C1orf115: variants seen among roughly 807,000 people sequenced by gnomAD.
C1orf115 encodes the protein required for drug-induced death protein 1.
Under a neutral mutation model 12.5 loss-of-function variants are expected in C1orf115, and 14 were observed. The observed-to-expected ratio is 1.12, with a 90% CI of 0.74 to 1.75. The LOEUF (loss-of-function observed/expected upper bound fraction) is 1.75, where lower values mean the gene tolerates loss of function less well. Ranked by LOEUF, C1orf115 falls within the 40% of genes most tolerant of loss-of-function variation. The pLI, the probability that C1orf115 is intolerant of heterozygous loss-of-function variation, is 0.00. For synonymous variants in C1orf115, 109 were observed against 104.6 expected (o/e 1.04, Z -0.26); for missense variants, 237 against 220.8 (o/e 1.07, Z -0.46).
intron 1 of C1orf115, among the ~76,000 whole-genome samples, chr1:220,695,042 G>A (rs1234970605): frequency 6.6e-6 from 1 of 152,190 alleles, no homozygotes; most frequent in African/African-American, 2.4e-5. Flanking sequence ...TGAGAGGTCA[G>A]GGAGAGAAAG....
In C1orf115 at chr1:220,696,686, C is replaced by T. The variant is rs545083976; in HGVS notation, c.384C>T (p.Ser128=). Residue 128 remains serine, a synonymous_variant, in exon 2 of 2, where the codon TCC becomes TCT. Transcript: ENST00000294889. ...IGLQGFAAAY[S]APFAVATSVV... ...TGCAAGGCTTCGCTGCAGCCTACTC[C>T]GCCCCGTTTGCGGTAGCCACCAGCG... 81 of 1,601,724 alleles carry T rather than the reference C, an allele frequency of 5.1e-5. No homozygotes were observed. Among genetic ancestry groups the T allele is most frequent in the African/African-American group, 8.0e-5 (6 of 74,876 alleles).
intron 1 of C1orf115, among the ~76,000 whole-genome samples, chr1:220,693,915 TAA>T (rs1444511309): frequency 6.6e-6 from 1 of 151,834 alleles, no homozygotes; most frequent in African/African-American, 2.4e-5. Context: ...CTGTCTCTAC[TAA>T]AAATACAAAA....
At chr1:220,690,859 GGAAGCCGCGA>G (rs1670092411) in intron 1 of C1orf115, 148 bp downstream of exon 1, 1 of 1,024,232 alleles carries the variant, frequency 9.8e-7, no homozygotes, top group African/African-American at 1.7e-5. Flanking sequence ...CTCGCCGGAG[GGAAGCCGCGA>G]GTTGCGAGTC....
rs1303586398 is a variant in C1orf115 at position 220,698,479 on chromosome 1, A to AT, written c.*1752dup. ...CAGATGATGAAAGTGGATATGGCAC[A>AT]TTTTCACACACGTGAGATAATTACA... On this transcript the variant is annotated 3_prime_UTR_variant, in exon 2 of 2. Coordinates refer to ENST00000294889, the MANE Select transcript of C1orf115 (RefSeq NM_024709.5). 7 of 152,258 alleles carry AT rather than the reference A, an allele frequency of 4.6e-5. No homozygotes were observed. The highest frequency in any genetic ancestry group is 1.3e-4 in the Admixed American group (2 of 15,284). The allele number at this position is 152,258 out of a possible 1,614,324, so 9.4% of individuals were successfully genotyped here.
intron 1 of C1orf115, among the ~76,000 whole-genome samples, chr1:220,694,139 T>C (rs1242309555): frequency 6.7e-6 from 1 of 149,104 alleles, no homozygotes; most frequent in East Asian, 1.9e-4. Context: ...AATTATAGTC[T>C]TAAGAAACTT....
chr1:220,691,914 C>G (rs1670115150), intron 1 of C1orf115, among the ~76,000 whole-genome samples: 1 of 152,198 alleles, frequency 6.6e-6, no homozygotes. Context: ...ACTGACATAG[C>G]TGGCTCCCCC....
chr1:220,692,610 T>C (rs2102516551), intron 1 of C1orf115, among the ~76,000 whole-genome samples: 1 of 152,276 alleles, frequency 6.6e-6, no homozygotes, highest in African/African-American at 2.4e-5. Context: ...CCCATGGAGA[T>C]GGAACACAGA....
At chr1:220,691,574 G>A (rs1280391604) in intron 1 of C1orf115, among the ~76,000 whole-genome samples, 1 of 152,218 alleles carries the variant, frequency 6.6e-6, no homozygotes, top group East Asian at 1.9e-4. Context: ...CCATGCCTGG[G>A]AGCTTAGGTT....
At chr1:220,692,803 T>C (rs1670132780) in intron 1 of C1orf115, among the ~76,000 whole-genome samples, 1 of 152,236 alleles carries the variant, frequency 6.6e-6, no homozygotes, top group South Asian at 2.1e-4. Context: ...TTTTATGTTA[T>C]GTGAATTTTG....
intron 1 of C1orf115, among the ~76,000 whole-genome samples, chr1:220,692,465 G>A (rs1399576174): frequency 6.6e-6 from 1 of 152,164 alleles, no homozygotes; most frequent in African/African-American, 2.4e-5. Flanking sequence ...AGCCATAAAA[G>A]GAAGGAAATG....
chr1:220,690,505 A>G lies in C1orf115; in HGVS notation c.103A>G (p.Ile35Val). 3.5e-6 allele frequency: 5 copies of G among 1,435,540 alleles called. No homozygotes were observed. The highest frequency in any genetic ancestry group is 1.5e-5 in the African/African-American group (1 of 66,406). The allele number at this position is 1,435,540 out of a possible 1,614,324, so 88.9% of individuals were successfully genotyped here. The change falls in exon 1 of 2, where the codon ATC (isoleucine) becomes GTC (valine). Residue 35 changes from isoleucine to valine, a missense_variant. Physicochemically the swap from Ile to Val is conservative, Grantham distance 29 (BLOSUM62 3). Transcript: ENST00000294889. ...CGAGGGGGACGAGGAGGCGGCCGCC[A>G]TCCTGGAGCACCTGGAGTACGCGGA... ...RTEGDEEAAA[I>V]LEHLEYADEA...
intron 1 of C1orf115, among the ~76,000 whole-genome samples, chr1:220,695,608 A>G (rs1670181769): frequency 6.6e-6 from 1 of 151,134 alleles, no homozygotes; most frequent in Non-Finnish European, 1.5e-5. Context: ...AGAAGGGAAA[A>G]GGTATGAGGC....
chr1:220,692,942 G>A (rs1670135498), intron 1 of C1orf115, among the ~76,000 whole-genome samples: 1 of 152,176 alleles, frequency 6.6e-6, no homozygotes. Flanking sequence ...CTAGTTCAAT[G>A]GACCCAGGAG....
Position 220,690,659 on chromosome 1 carries a change from C to G in C1orf115, c.257C>G (p.Pro86Arg), listed in dbSNP as rs769418928. ...ERYEPLEEPA[P>R]SEQPRKRYRR... is the part of the protein sequence containing the mutation. ...TACGAGCCACTGGAGGAGCCGGCGC[C>G]GAGCGAGCAGCCCAGGAAGAGGTAC... The change falls in exon 1 of 2, where the codon CCG becomes CGG. Residue 86 changes from proline (P) to arginine (R), a missense_variant. By Grantham distance (103) the Pro-to-Arg change is moderately radical. Coordinates refer to ENST00000294889, the MANE Select transcript of C1orf115 (RefSeq NM_024709.5). 2 of 1,593,136 alleles carry G rather than the reference C, an allele frequency of 1.3e-6. No individual in the cohort carries two copies. Among genetic ancestry groups the G allele is most frequent in the South Asian group, 2.3e-5 (2 of 88,676 alleles).
chr1:220,690,488 A>C lies in C1orf115; in HGVS notation c.86A>C (p.Asp29Ala). ...CGAGGGCGAGGGCGAACCGAGGGGG[A>C]CGAGGAGGCGGCCGCCATCCTGGAG... Reference protein sequence around the residue: ...GPRGRGRTEGDEEAAAILEHL... With the variant: ...GPRGRGRTEGAEEAAAILEHL... The change falls in exon 1 of 2, where the codon GAC (aspartate) becomes GCC (alanine). Residue 29 changes from aspartate (D) to alanine (A), a missense_variant. Coordinates refer to ENST00000294889, the MANE Select transcript of C1orf115 (RefSeq NM_024709.5). 1.4e-6 allele frequency: 2 copies of C among 1,434,846 alleles called. No individual in the cohort carries two copies. Among genetic ancestry groups the C allele is most frequent in the Non-Finnish European group, 1.8e-6 (2 of 1,101,060 alleles). The allele number at this position is 1,434,846 out of a possible 1,614,324, so 88.9% of individuals were successfully genotyped here. A position where few individuals can be genotyped will look rare whatever the true frequency, so the allele number is the denominator to read the frequency against.
rs752242008 is a variant in C1orf115, at chr1:220,696,708, A to T, written c.406A>T (p.Ser136Cys). ...AYSAPFAVAT[S>C]VVSFVR ...CTCCGCCCCGTTTGCGGTAGCCACC[A>T]GCGTGGTATCCTTCGTGCGCTAATG... The change falls in exon 2 of 2, where the codon AGC becomes TGC. Residue 136 changes from serine (S) to cysteine (C), a missense_variant. Physicochemically the swap from Ser to Cys is moderately radical, Grantham distance 112 (BLOSUM62 -1). Coordinates refer to ENST00000294889, the MANE Select transcript of C1orf115 (RefSeq NM_024709.5). 2 of 1,597,122 alleles carry T rather than the reference A, an allele frequency of 1.3e-6. No homozygotes were observed. The highest frequency in any genetic ancestry group is 1.7e-6 in the Non-Finnish European group (2 of 1,165,776).
intron 1 of C1orf115, among the ~76,000 whole-genome samples, chr1:220,693,574 G>A (rs1031883690): frequency 6.6e-6 from 1 of 152,186 alleles, no homozygotes; most frequent in African/African-American, 2.4e-5. Flanking sequence ...CCCCAGCCCA[G>A]TGTCTCTTTG....
In C1orf115 at chr1:220,690,577, C is replaced by T; in HGVS notation, c.175C>T (p.Arg59Trp). The stretch of plus-strand genomic sequence containing the variant: ...GAGCGGGACGAGCGCGGCGGACGAG[C>T]GGGGCCCGGGGACCCGGGGCGCGCG... The part of the protein sequence containing the change: ...AESGTSAADE[R>W]GPGTRGARRV... The change falls in exon 1 of 2, where the codon CGG (arginine) becomes TGG (tryptophan). Residue 59 changes from arginine to tryptophan, a missense_variant. Physicochemically the swap from Arg to Trp is moderately radical, Grantham distance 101 (BLOSUM62 -3). Coordinates refer to ENST00000294889, the MANE Select transcript of C1orf115 (RefSeq NM_024709.5). 2 of 1,498,506 alleles carry T rather than the reference C, an allele frequency of 1.3e-6. No homozygotes were observed. The highest frequency in any genetic ancestry group is 2.3e-5 in the Admixed American group (1 of 43,056). 92.8% of individuals were successfully genotyped at this position (1,498,506 alleles called of 1,614,324 possible).
chr1:220,690,415 G>A lies in C1orf115; in HGVS notation c.13G>A (p.Ala5Thr). 1 of 1,434,586 alleles carries A rather than the reference G, an allele frequency of 7.0e-7. No homozygotes were observed. The highest frequency in any genetic ancestry group is 1.4e-5 in the South Asian group (1 of 70,002). The allele number at this position is 1,434,586 out of a possible 1,614,324, so 88.9% of individuals were successfully genotyped here. ...GGGCCGGGACATCATGACGGTGGGAGCCAGGCTCCGAAGCAAGGCGGAGAG... is the reference window on the plus strand; with the variant it reads ...GGGCCGGGACATCATGACGGTGGGAACCAGGCTCCGAAGCAAGGCGGAGAG... Reference protein sequence around the residue: MTVGARLRSKAESSL... With the variant: MTVGTRLRSKAESSL... Residue 5 changes from alanine (A) to threonine (T), a missense_variant, in exon 1 of 2, where the codon GCC becomes ACC. Physicochemically the swap from Ala to Thr is moderately conservative, Grantham distance 58. Transcript: ENST00000294889.
Sources: gnomAD v4.1 joint callset for allele counts (sites outside exome capture counted in the v4.1 genomes callset) on GRCh38, gnomAD v4.1.1 for gene constraint, MANE v1.5 for transcripts, NCBI Gene and HGNC (gene_info 2026-07-23, HGNC 2026-07-21) for gene names.